Variants in UGT1A9 observed in about 807,000 individuals in gnomAD.
UGT1A9 encodes the protein UDP glucuronosyltransferase family 1 member A9, also known as UDP-glucuronosyltransferase 1A9.
UGT1A9 carries 35 observed loss-of-function variants against 45.0 expected under a neutral mutation model. That is an observed-to-expected ratio of 0.78 (90% CI 0.59 to 1.03). The LOEUF is 1.03. Among genes scored for constraint, UGT1A9 ranks in the 50% least tolerant of loss-of-function variants. The probability of loss-of-function intolerance (pLI) is 0.00; values close to 1 mark genes in which losing one functional copy is unlikely to be tolerated. For missense variants in UGT1A9, 687 were observed against 666.6 expected (o/e 1.03, Z -0.34); for synonymous variants, 278 against 250.6 (o/e 1.11, Z -1.03).
chr2:233,752,437 T>C (rs973405993), intron 1 of UGT1A9: 4 of 152,200 alleles, frequency 2.6e-5, no homozygotes, highest in African/African-American at 9.7e-5. Context: ...CGAACCCTTT[T>C]ATAAAAGATG....
At chr2:233,703,207 A>T (rs552243315) in intron 1 of UGT1A9, among the ~76,000 whole-genome samples, 19 of 152,246 alleles carry the variant, frequency 1.2e-4, no homozygotes, top group East Asian at 1.9e-4. Context: ...TGTCAATTTT[A>T]TCTAAGTTAT....
At chr2:233,741,386 A>C (rs1288438490) in intron 1 of UGT1A9, 1 of 151,760 alleles carries the variant, frequency 6.6e-6, no homozygotes, top group Non-Finnish European at 1.5e-5. Flanking sequence ...CCTTTCTACC[A>C]CTTTGAAACT....
intron 1 of UGT1A9, chr2:233,682,174 C>T (rs1233717806): frequency 6.2e-7 from 1 of 1,614,200 alleles, no homozygotes; most frequent in Non-Finnish European, 8.5e-7. Flanking sequence ...CTTACTCAAC[C>T]TCATACACTC....
At chr2:233,715,057 T>C (rs1032772184) in intron 1 of UGT1A9, among the ~76,000 whole-genome samples, 2 of 152,140 alleles carry the variant, frequency 1.3e-5, no homozygotes. Flanking sequence ...TCTTTTTTTT[T>C]GTATTTTTTA....
intron 4 of UGT1A9, chr2:233,771,059 G>A (rs1001475755): frequency 6.6e-6 from 1 of 152,046 alleles, no homozygotes; most frequent in Non-Finnish European, 1.5e-5. Flanking sequence ...TTTAATGACC[G>A]GCTCTCACAA....
intron 1 of UGT1A9, chr2:233,760,219 C>A: frequency 6.3e-7 from 1 of 1,593,340 alleles, no homozygotes; most frequent in Non-Finnish European, 8.5e-7. Context: ...CTTGGTGTAT[C>A]GATTGGTTTT....
rs1449126487 is a variant in UGT1A9, at chr2:233,713,999, G to T, written c.855+41210G>T. The T allele has an allele frequency of 1.2e-5, 18 of 1,554,686 alleles. No homozygotes were observed. In the East Asian group the frequency reaches 2.8e-4, roughly 24 times the overall value. ...TCTCATTGTTGTAATAGTCTTCAGT[G>T]AGATAAACTTTTAAAGGGTCAATGG... On this transcript the variant is annotated intron_variant, in intron 1 of 4. Transcript: ENST00000354728.
chr2:233,696,584 C>A (rs1165044869), intron 1 of UGT1A9, among the ~76,000 whole-genome samples: 1 of 150,482 alleles, frequency 6.6e-6, no homozygotes, highest in Non-Finnish European at 1.5e-5. Context: ...AATTTGACTT[C>A]TTCCTTTCCA....
chr2:233,677,076 T>C (rs1181968408), intron 1 of UGT1A9, among the ~76,000 whole-genome samples: 3 of 152,168 alleles, frequency 2.0e-5, no homozygotes, highest in African/African-American at 7.2e-5. Flanking sequence ...CATTAATGTG[T>C]GCAAAAATCC....
chr2:233,675,236 T>A (rs895779103), intron 1 of UGT1A9, among the ~76,000 whole-genome samples: 1 of 152,152 alleles, frequency 6.6e-6, no homozygotes, highest in Non-Finnish European at 1.5e-5. Flanking sequence ...AACGTGAGAT[T>A]TGGAGGGGAC....
chr2:233,712,601 G>T (rs2076243424), intron 1 of UGT1A9, among the ~76,000 whole-genome samples: 1 of 152,202 alleles, frequency 6.6e-6, no homozygotes, highest in Non-Finnish European at 1.5e-5. Context: ...TATGGTTGGG[G>T]ACTAGGGCAA....
At chr2:233,691,504 G>T (rs45594938) in intron 1 of UGT1A9, 354 of 985,758 alleles carry the variant, frequency 3.6e-4, no homozygotes, top group Middle Eastern at 5.2e-4. Flanking sequence ...AGGAACTCGC[G>T]TGCCAGCCAG....
intron 1 of UGT1A9, among the ~76,000 whole-genome samples, chr2:233,681,049 CTTGTGGCTCACCTGTGTCACAA>C (rs1187980747): frequency 1.3e-4 from 19 of 151,900 alleles, no homozygotes; most frequent in Admixed American, 2.0e-4. Flanking sequence ...ACAAGCAGCA[CTTGTGGCTCACCTGTGTCACAA>C]TTGTGGCTCA....
In UGT1A9 at chr2:233,769,617, A is replaced by AG; in HGVS notation, c.1295+1179dup. 6.2e-7 allele frequency: 1 copy of AG among 1,612,702 alleles called. No individual in the cohort carries two copies. The highest frequency in any genetic ancestry group is 2.2e-5 in the East Asian group (1 of 44,882). On this transcript the variant is annotated intron_variant, in intron 4 of 4. Coordinates refer to ENST00000354728, the MANE Select transcript of UGT1A9 (RefSeq NM_021027.3). The surrounding 1 kb of genome is among the most constrained non-coding windows in gnomAD (Gnocchi z 4.4). ...CGGAACACGGGGACACACCAGCTTG[A>AG]GCAAGGGACAACAGGGGAGGACTGA...
chr2:233,735,219 T>G (rs1349774730), intron 1 of UGT1A9, among the ~76,000 whole-genome samples: 1 of 152,194 alleles, frequency 6.6e-6, no homozygotes, highest in Admixed American at 6.5e-5. Flanking sequence ...GCATATATAT[T>G]TAGGATAGTT....
chr2:233,766,640 TATC>T (rs1314167466), intron 1 of UGT1A9, among the ~76,000 whole-genome samples: 1 of 152,156 alleles, frequency 6.6e-6, no homozygotes, highest in African/African-American at 2.4e-5. Context: ...CCTACTTCCA[TATC>T]ATTTAAAGGG....
At chr2:233,754,136 G>C in intron 1 of UGT1A9, among the ~76,000 whole-genome samples, 1 of 152,154 alleles carries the variant, frequency 6.6e-6, no homozygotes, top group Non-Finnish European at 1.5e-5. Flanking sequence ...GCAATTAAAA[G>C]CCATCATTAA....
chr2:233,697,515 T>A (rs11894379), intron 1 of UGT1A9, among the ~76,000 whole-genome samples: 4,554 of 150,122 alleles, frequency 0.03, 92 homozygotes, highest in Middle Eastern at 0.054. Context: ...TTTTTTTTTT[T>A]AAAAAACTTT....
chr2:233,685,959 A>G (rs1156258661), intron 1 of UGT1A9, among the ~76,000 whole-genome samples: 2 of 152,198 alleles, frequency 1.3e-5, no homozygotes, highest in Non-Finnish European at 2.9e-5. Flanking sequence ...TATGTAGATC[A>G]ATGGAATAGA....
Sources: allele counts gnomAD v4.1 joint callset (sites outside exome capture counted in the v4.1 genomes callset), GRCh38; gene constraint gnomAD v4.1.1; non-coding constraint Gnocchi (gnomAD v3.1); transcripts MANE v1.5; gene names NCBI Gene and HGNC (gene_info 2026-07-23, HGNC 2026-07-21).